Variants in ZCCHC14 observed in about 807,000 individuals in gnomAD.
ZCCHC14 encodes zinc finger CCHC-type containing 14.
ZCCHC14 carries 16 observed loss-of-function variants against 85.0 expected under a neutral mutation model. The observed-to-expected ratio is 0.19, with a 90% CI of 0.13 to 0.29. The LOEUF (loss-of-function observed/expected upper bound fraction) is 0.29, where lower values mean the gene tolerates loss of function less well. Among genes scored for constraint, ZCCHC14 ranks in the 10% least tolerant of loss-of-function variants. The pLI is 1.00. For synonymous variants in ZCCHC14, 775 were observed against 630.7 expected, an observed-to-expected ratio of 1.23 and a Z score of -3.43; for missense variants, 1,303 against 1,443.5, an observed-to-expected ratio of 0.90 and a Z score of 1.58.
chr16:87,460,690 C>T (rs956628676), intron 1 of ZCCHC14, among the ~76,000 whole-genome samples: 4 of 150,020 alleles, frequency 2.7e-5, no homozygotes, highest in Non-Finnish European at 5.9e-5. Context: ...GCTCTATCTC[C>T]AAGAAAAAAA....
intron 3 of ZCCHC14, among the ~76,000 whole-genome samples, chr16:87,425,895 C>T (rs1909345527): frequency 6.6e-6 from 1 of 152,216 alleles, no homozygotes; most frequent in East Asian, 1.9e-4. Flanking sequence ...ATGTGAAATC[C>T]ACCACCCCAG....
chr16:87,414,477 C>T lies in ZCCHC14; in HGVS notation c.1540G>A (p.Ala514Thr). ...APPLVTSSGV[A>T]RVPPTSHVGP... ...ACGTGGCTGGTGGGGGGCACTCGAG[C>T]CACACCACTGCTGGTGACCAGCGGC... is the stretch of plus-strand genomic sequence containing the variant. Residue 514 changes from alanine to threonine, a missense_variant, in exon 10 of 13, where the codon GCT becomes ACT. Ala to Thr is a moderately conservative substitution (Grantham distance 58, BLOSUM62 0). Coordinates refer to ENST00000671377, the MANE Select transcript of ZCCHC14 (RefSeq NM_015144.3). The T allele has an allele frequency of 6.2e-7, 1 of 1,613,498 alleles. No homozygotes were observed. Among genetic ancestry groups the T allele is most frequent in the Non-Finnish European group, 8.5e-7 (1 of 1,179,978 alleles).
At chr16:87,442,797 C>A (rs945274208) in intron 2 of ZCCHC14, among the ~76,000 whole-genome samples, 5 of 152,200 alleles carry the variant, frequency 3.3e-5, no homozygotes, top group African/African-American at 1.2e-4. Flanking sequence ...GAAAACCATT[C>A]AAATGACTGG....
In ZCCHC14 at chr16:87,419,444, G is replaced by A. The variant is rs192582187; in HGVS notation, c.1045+339C>T. Among the ~76,000 whole-genome samples, 439 of 152,388 alleles carry A rather than the reference G, an allele frequency of 2.9e-3. 2 individuals are homozygous for A. The highest frequency in any genetic ancestry group is 9.6e-3 in the African/African-American group (400 of 41,594). ...GCCTCCCAAGTAGCGGGGACTGCAG[G>A]CATGCATCACCACGCCTGGCTAATT... is the stretch of plus-strand genomic sequence containing the variant. On this transcript the variant is annotated intron_variant, in intron 6 of 12. Transcript: ENST00000671377.
intron 1 of ZCCHC14, among the ~76,000 whole-genome samples, chr16:87,490,741 G>C (rs1047446418): frequency 2.6e-5 from 4 of 152,228 alleles, no homozygotes; most frequent in Admixed American, 1.3e-4. Flanking sequence ...TTTTCTGTCT[G>C]TTACAGGTAG....
chr16:87,452,545 A>C (rs1044986795), intron 2 of ZCCHC14, among the ~76,000 whole-genome samples: 19 of 152,210 alleles, frequency 1.2e-4, no homozygotes, highest in Non-Finnish European at 2.6e-4. Context: ...TTTGAGGGAC[A>C]CAAGAAGAGG....
intron 3 of ZCCHC14, among the ~76,000 whole-genome samples, chr16:87,427,195 G>A (rs1909416320): frequency 1.3e-5 from 2 of 152,248 alleles, no homozygotes; most frequent in Admixed American, 6.5e-5. Context: ...ACCTTCTGCA[G>A]CCACACTCAT....
At chr16:87,414,728 G>C (rs1597399042) in intron 9 of ZCCHC14, among the ~76,000 whole-genome samples, 187 bp from the exon 10 acceptor site, 1 of 152,222 alleles carries the variant, frequency 6.6e-6, no homozygotes, top group African/African-American at 2.4e-5. Context: ...ATTCTGATTG[G>C]TCAAATTTAC....
rs531317925 is a variant in ZCCHC14 at position 87,415,883 on chromosome 16, CT to C, written c.1384-517del. Among the ~76,000 whole-genome samples the C allele has an allele frequency of 5.3e-5, 8 of 152,196 alleles. No homozygotes were observed. In the South Asian group the frequency reaches 8.3e-4, roughly 16 times the overall value. On this transcript the variant is annotated intron_variant, in intron 8 of 12. Coordinates refer to ENST00000671377, the MANE Select transcript of ZCCHC14 (RefSeq NM_015144.3). ...CTGCGGGATGGTCGTCTTTTTCTTC[CT>C]TTTTTTGAGACAAAAATCTCGCTCT...
chr16:87,492,279 G>A lies in ZCCHC14; in HGVS notation c.-41C>T. On this transcript the variant is annotated 5_prime_UTR_variant, in exon 1 of 13. Coordinates refer to ENST00000671377, the MANE Select transcript of ZCCHC14 (RefSeq NM_015144.3). The surrounding 1 kb of genome is among the most constrained non-coding windows in gnomAD (Gnocchi z 6.7). ...GCGCCGCGACCCGGGGCCGGGGACCGCGCGGGGGCGGCCGGGGGGCGCCGG... is the reference window on the plus strand; with the variant it reads ...GCGCCGCGACCCGGGGCCGGGGACCACGCGGGGGCGGCCGGGGGGCGCCGG... 35 of 976,106 alleles carry A rather than the reference G, an allele frequency of 3.6e-5. No homozygotes were observed. The highest frequency in any genetic ancestry group is 4.2e-5 in the Non-Finnish European group (35 of 825,052). The allele number at this position is 976,106 out of a possible 1,614,324, so 60.5% of individuals were successfully genotyped here.
rs1242032526 is a variant in ZCCHC14, at chr16:87,409,138, G to A, written c.*1142C>T. ...TTCCAGAGTCCTACCACTTCCCACT[G>A]TTTTCCAAGTAATTTTTAACGGAAT... On this transcript the variant is annotated 3_prime_UTR_variant, in exon 13 of 13. Coordinates refer to ENST00000671377, the MANE Select transcript of ZCCHC14 (RefSeq NM_015144.3). 5 of 152,300 alleles carry A rather than the reference G, an allele frequency of 3.3e-5. No homozygotes were observed. Among genetic ancestry groups the A allele is most frequent in the Non-Finnish European group, 7.3e-5 (5 of 68,034 alleles). The allele number at this position is 152,300 out of a possible 1,614,324, so 9.4% of individuals were successfully genotyped here. A position where few individuals can be genotyped will look rare whatever the true frequency, so the allele number is the denominator to read the frequency against.
At chr16:87,449,146 G>C (rs1195424621) in intron 2 of ZCCHC14, among the ~76,000 whole-genome samples, 1 of 152,296 alleles carries the variant, frequency 6.6e-6, no homozygotes, top group East Asian at 1.9e-4. Context: ...CGTGAGGAAG[G>C]CGCTCATCTT....
chr16:87,431,970 A>T (rs976405381), intron 3 of ZCCHC14, among the ~76,000 whole-genome samples: 1 of 152,124 alleles, frequency 6.6e-6, no homozygotes, highest in Admixed American at 6.5e-5. Context: ...TTTTCCTTAC[A>T]TTTTCAAATG....
At chr16:87,485,543 T>G (rs1912475677) in intron 1 of ZCCHC14, among the ~76,000 whole-genome samples, 1 of 150,376 alleles carries the variant, frequency 6.6e-6, no homozygotes, top group African/African-American at 2.5e-5. Context: ...CAGCTACACT[T>G]CTTACTTAAA....
chr16:87,481,945 T>C (rs1281802872), intron 1 of ZCCHC14, among the ~76,000 whole-genome samples: 1 of 152,068 alleles, frequency 6.6e-6, no homozygotes, highest in Non-Finnish European at 1.5e-5. Context: ...CATCCCATGG[T>C]GGAAGGCAGA....
At chr16:87,460,727 A>G (rs953041480) in intron 1 of ZCCHC14, among the ~76,000 whole-genome samples, 2 of 152,146 alleles carry the variant, frequency 1.3e-5, no homozygotes, top group Non-Finnish European at 2.9e-5. Context: ...CCAAGGTGGC[A>G]TGAATTATAT....
At chr16:87,425,278 A>G (rs1909310651) in intron 3 of ZCCHC14, among the ~76,000 whole-genome samples, 1 of 152,164 alleles carries the variant, frequency 6.6e-6, no homozygotes, top group African/African-American at 2.4e-5. Context: ...TTCCACACCT[A>G]AAATGAAAAT....
rs1380549227 is a variant in ZCCHC14, at chr16:87,492,603, C to A, written c.-365G>T. 3 of 144,586 alleles carry A rather than the reference C, an allele frequency of 2.1e-5. No individual in the cohort carries two copies. In the South Asian group the frequency reaches 5.8e-4, roughly 28 times the overall value. The allele number at this position is 144,586 out of a possible 1,614,324, so 9.0% of individuals were successfully genotyped here. A position where few individuals can be genotyped will look rare whatever the true frequency, so the allele number is the denominator to read the frequency against. On this transcript the variant is annotated 5_prime_UTR_variant, in exon 1 of 13. Coordinates refer to ENST00000671377, the MANE Select transcript of ZCCHC14 (RefSeq NM_015144.3). The surrounding 1 kb of genome is among the most constrained non-coding windows in gnomAD (Gnocchi z 6.7). ...GGCGGCGGCGGCGGCTGCTCCTCGT[C>A]GTCGTCGTCGTCGTCGCCCGGGAGG...
intron 3 of ZCCHC14, among the ~76,000 whole-genome samples, chr16:87,426,351 A>G (rs1399817477): frequency 6.6e-6 from 1 of 152,192 alleles, no homozygotes; most frequent in Non-Finnish European, 1.5e-5. Flanking sequence ...CTACCCCATT[A>G]CTTTACATTT....
Sources: allele counts gnomAD v4.1 joint callset (sites outside exome capture counted in the v4.1 genomes callset), GRCh38; gene constraint gnomAD v4.1.1; non-coding constraint Gnocchi (gnomAD v3.1); transcripts MANE v1.5; gene names NCBI Gene and HGNC (gene_info 2026-07-23, HGNC 2026-07-21).